Variants in C6 observed in about 807,000 individuals in gnomAD.
The protein encoded by C6 is complement C6, also known as complement component C6.
C6 carries 101 observed loss-of-function variants against 112.9 expected under a neutral mutation model. The ratio of observed to expected loss-of-function variants is 0.89; its 90% CI spans 0.76 to 1.06. C6 has a LOEUF of 1.06. Among genes scored for constraint, C6 ranks in the 50% least tolerant of loss-of-function variants. C6 has a pLI of 0.00. For synonymous variants in C6, 431 were observed against 384.1 expected (o/e 1.12, Z -1.43); for missense variants, 1,202 against 1,104.6 (o/e 1.09, Z -1.25).
At chr5:41,253,339 C>T (rs1335298376) in intron 1 of C6, among the ~76,000 whole-genome samples, 2 of 152,134 alleles carry the variant, frequency 1.3e-5, no homozygotes, top group Non-Finnish European at 2.9e-5. Flanking sequence ...CTGATACTCA[C>T]CCAAAGGCTG....
chr5:41,217,234 T>C (rs925994082), upstream of C6, among the ~76,000 whole-genome samples: 2 of 152,150 alleles, frequency 1.3e-5, no homozygotes, highest in African/African-American at 4.8e-5. Context: ...TTTAAACATA[T>C]GAATCTCTTT....
In C6 at chr5:41,153,799, C is replaced by T; in HGVS notation, c.2290+11G>A. ...CCTTATCAGACCCCAGAACACTGAG[C>T]TGCTACTCACCTTTTTCACAGGTGA... On this transcript the variant is annotated intron_variant, in intron 15 of 17. Coordinates refer to ENST00000337836, the MANE Select transcript of C6 (RefSeq NM_000065.5). 4 of 1,605,416 alleles carry T rather than the reference C, an allele frequency of 2.5e-6. No individual in the cohort carries two copies. The highest frequency in any genetic ancestry group is 3.4e-6 in the Non-Finnish European group (4 of 1,173,412).
In C6 at chr5:41,203,104, T is replaced by C. The variant is rs1412637553; in HGVS notation, c.127A>G (p.Thr43Ala). Residue 43 changes from threonine to alanine, a missense_variant, in exon 2 of 18, where the codon ACC (threonine) becomes GCC (alanine). Physicochemically the swap from Thr to Ala is moderately conservative, Grantham distance 58. Transcript: ENST00000337836. ...CACACCCACCTGTGTCTGCTCTGGG[T>C]TCCAGAATTGCAAGTTTTTGAGCAG... ...TSCSKTCNSG[T>A]QSRHRQIVVD... 3.1e-6 allele frequency: 5 copies of C among 1,614,030 alleles called. No individual in the cohort carries two copies. The highest frequency in any genetic ancestry group is 2.2e-5 in the South Asian group (2 of 91,068).
At position 41,142,483 on chromosome 5, in the gene C6, T is replaced by G; in HGVS notation, c.*342A>C. The G allele has an allele frequency of 3.5e-6, 1 of 284,890 alleles. No individual in the cohort carries two copies. The highest frequency in any genetic ancestry group is 1.2e-3 in the Middle Eastern group (1 of 850). 17.6% of individuals were successfully genotyped at this position (284,890 alleles called of 1,614,324 possible). On this transcript the variant is annotated 3_prime_UTR_variant, in exon 18 of 18. Transcript: ENST00000337836. ...TTAACTCATTGAAGAAAATTATGGG[T>G]TTTATTCTTATTTCTAATTGCGAGA...
At chr5:41,220,105 A>G (rs1363229354) in intron 1 of C6, among the ~76,000 whole-genome samples, 1 of 152,184 alleles carries the variant, frequency 6.6e-6, no homozygotes, top group Admixed American at 6.6e-5. Flanking sequence ...CAAAATGTCA[A>G]CATCTACTGA....
At chr5:41,159,656 G>A (rs1440012972) in intron 11 of C6, among the ~76,000 whole-genome samples, 1 of 148,170 alleles carries the variant, frequency 6.7e-6, no homozygotes, top group Non-Finnish European at 1.5e-5. Context: ...GCCTTACCCT[G>A]TTTCTAAGGA....
chr5:41,217,829 C>T (rs1407992493), upstream of C6, among the ~76,000 whole-genome samples: 2 of 151,992 alleles, frequency 1.3e-5, no homozygotes, highest in Non-Finnish European at 2.9e-5. Context: ...AAAAAAAAAG[C>T]CTATTGAAGT....
At position 41,142,681 on chromosome 5, in the gene C6, A is replaced by G; in HGVS notation, c.*144T>C. On this transcript the variant is annotated 3_prime_UTR_variant, in exon 18 of 18. Transcript: ENST00000337836. ...CCAAACAGGAGAGTCAGGGGAGAAT[A>G]ATGATCTCAAACTAACAGAAAATAA... 1 of 708,992 alleles carries G rather than the reference A, an allele frequency of 1.4e-6. No individual in the cohort carries two copies. The highest frequency in any genetic ancestry group is 2.5e-6 in the Non-Finnish European group (1 of 394,512). The allele number at this position is 708,992 out of a possible 1,614,324, so 43.9% of individuals were successfully genotyped here.
In C6 at chr5:41,181,361, T is replaced by C; in HGVS notation, c.925A>G (p.Lys309Glu). Reference sequence around the variant, plus strand: ...AGGTTGGAAACCATTTTTGATACCTTTTTGTGAGAGGCTTGAATGGCTTGT... The same window carrying C: ...AGGTTGGAAACCATTTTTGATACCTCTTTGTGAGAGGCTTGAATGGCTTGT... ...FKQAIQASHKKDSSFIRIHKV... is the reference protein window; with the variant it reads ...FKQAIQASHKEDSSFIRIHKV... Residue 309 changes from lysine to glutamate, a missense_variant and splice_region_variant, in exon 7 of 18, where the codon AAG becomes GAG. Transcript: ENST00000337836. 6.2e-7 allele frequency: 1 copy of C among 1,613,460 alleles called. No individual in the cohort carries two copies. The highest frequency in any genetic ancestry group is 8.5e-7 in the Non-Finnish European group (1 of 1,179,566).
At chr5:41,174,511 C>T (rs1053298222) in intron 8 of C6, among the ~76,000 whole-genome samples, 1 of 152,140 alleles carries the variant, frequency 6.6e-6, no homozygotes, top group African/African-American at 2.4e-5. Flanking sequence ...TATCCTCTTG[C>T]ATATTAGGAT....
At chr5:41,251,629 A>C (rs897634071) in intron 1 of C6, among the ~76,000 whole-genome samples, 8 of 152,208 alleles carry the variant, frequency 5.3e-5, no homozygotes, top group African/African-American at 1.9e-4. Context: ...TACACTAAGA[A>C]GTTTCTCCCA....
intron 10 of C6, among the ~76,000 whole-genome samples, chr5:41,160,773 C>T (rs1367250072): frequency 6.6e-6 from 1 of 152,054 alleles, no homozygotes; most frequent in Non-Finnish European, 1.5e-5. Flanking sequence ...GAGAAGCTTT[C>T]CATGTTCTTT....
chr5:41,201,432 TG>T, intron 3 of C6, 125 bp downstream of exon 3: 2 of 946,764 alleles, frequency 2.1e-6, no homozygotes, highest in Non-Finnish European at 3.3e-6. Flanking sequence ...TTTCCCTCAA[TG>T]GAAGCTGAGA....
At chr5:41,194,272 A>G (rs1750440563) in intron 5 of C6, among the ~76,000 whole-genome samples, 1 of 152,170 alleles carries the variant, frequency 6.6e-6, no homozygotes, top group South Asian at 2.1e-4. Flanking sequence ...AATTCTTAGG[A>G]CAGAACATCA....
At chr5:41,197,997 G>A (rs1023734095) in intron 4 of C6, among the ~76,000 whole-genome samples, 1 of 152,104 alleles carries the variant, frequency 6.6e-6, no homozygotes, top group Non-Finnish European at 1.5e-5. Context: ...CATTGGAAGC[G>A]ATTTGTGTCA....
At chr5:41,224,539 C>G (rs975548547) in intron 1 of C6, among the ~76,000 whole-genome samples, 1 of 151,786 alleles carries the variant, frequency 6.6e-6, no homozygotes, top group East Asian at 1.9e-4. Context: ...TGACTAAGTG[C>G]GTTTTCAAGG....
chr5:41,182,054 G>A (rs981197420), intron 6 of C6, among the ~76,000 whole-genome samples: 1 of 152,062 alleles, frequency 6.6e-6, no homozygotes, highest in African/African-American at 2.4e-5. Flanking sequence ...TCTGAGGTTG[G>A]GTTCCCATTG....
intron 1 of C6, chr5:41,203,579 C>CCCGAG: frequency 3.4e-6 from 1 of 294,202 alleles, no homozygotes; most frequent in Non-Finnish European, 6.7e-6. Context: ...CAGTCTTACC[C>CCCGAG]TTCTCAAAAC....
chr5:41,204,918 C>T (rs1751316643), intron 1 of C6, among the ~76,000 whole-genome samples: 1 of 152,048 alleles, frequency 6.6e-6, no homozygotes, highest in South Asian at 2.1e-4. Flanking sequence ...ATCAGCCCAC[C>T]TCGGCCTCCC....
Sources: gnomAD v4.1 joint callset for allele counts (sites outside exome capture counted in the v4.1 genomes callset) on GRCh38, gnomAD v4.1.1 for gene constraint, MANE v1.5 for transcripts, NCBI Gene and HGNC (gene_info 2026-07-23, HGNC 2026-07-21) for gene names.